The following BARX2 variants were observed in gnomAD, a reference collection of about 807,000 sequenced individuals.
BARX2 encodes the protein BARX homeobox 2, also known as homeobox protein BarH-like 2.
Under a neutral mutation model 25.5 loss-of-function variants are expected in BARX2, and 11 were observed. The observed-to-expected ratio is 0.43, with a 90% CI of 0.27 to 0.71. The LOEUF is 0.71. Among genes scored for constraint, BARX2 ranks in the 30% least tolerant of loss-of-function variants. The probability of loss-of-function intolerance (pLI) is 0.19; values close to 1 mark genes in which losing one functional copy is unlikely to be tolerated. For missense variants in BARX2, 360 were observed against 359.9 expected (o/e 1.00, Z 0.00); for synonymous variants, 137 against 149.5 (o/e 0.92, Z 0.61).
chr11:129,375,933 C>G lies in BARX2; in HGVS notation c.-103C>G. 3 of 671,876 alleles carry G rather than the reference C, an allele frequency of 4.5e-6. No individual in the cohort carries two copies. The highest frequency in any genetic ancestry group is 7.4e-4 in the Middle Eastern group (1 of 1,360). The allele number at this position is 671,876 out of a possible 1,614,324, so 41.6% of individuals were successfully genotyped here. A position where few individuals can be genotyped will look rare whatever the true frequency, so the allele number is the denominator to read the frequency against. On this transcript the variant is annotated 5_prime_UTR_variant, in exon 1 of 4. Transcript: ENST00000281437. The surrounding 1 kb of genome is among the most constrained non-coding windows in gnomAD (Gnocchi z 4.0). ...CGAGCCCCGCCGCCTCCCCAGCTGC[C>G]GGGAGCGGGGCCCAGGCCCCGCCGT...
At chr11:129,431,318 G>A (rs59905529) in intron 1 of BARX2, among the ~76,000 whole-genome samples, 4,861 of 152,234 alleles carry the variant, frequency 0.032, 229 homozygotes, top group African/African-American at 0.1. Flanking sequence ...TATCTGGGGG[G>A]TTTTGCTAGG....
rs961170727 is a variant in BARX2 at position 129,439,859 on chromosome 11, G to A, written c.488+2808G>A. Among the ~76,000 whole-genome samples, 3 of 152,110 alleles carry A rather than the reference G, an allele frequency of 2.0e-5. No individual in the cohort carries two copies. The South Asian group carries it at 6.2e-4, about 32-fold the overall frequency. ...ATGGTAGCACGGTGGTATGTCAGAC[G>A]GGCTTCAGCGTGCATGACTAACATA... On this transcript the variant is annotated intron_variant, in intron 2 of 3. Transcript: ENST00000281437.
chr11:129,428,963 G>A (rs1862098717), intron 1 of BARX2, among the ~76,000 whole-genome samples: 1 of 151,492 alleles, frequency 6.6e-6, no homozygotes, highest in Non-Finnish European at 1.5e-5. Context: ...GGACTTTGGT[G>A]ATTAGGATGT....
In BARX2 at chr11:129,436,901, G is replaced by T. The variant is rs774467685; in HGVS notation, c.338G>T (p.Gly113Val). 6.2e-7 allele frequency: 1 copy of T among 1,613,976 alleles called. No individual in the cohort carries two copies. Among genetic ancestry groups the T allele is most frequent in the Non-Finnish European group, 8.5e-7 (1 of 1,179,948 alleles). ...GCGGTCTCTGCTGAGGCCCCAGGGGGCGAGGCCCTAGCCAGCAGCGAGTCA... is the reference window on the plus strand; with the variant it reads ...GCGGTCTCTGCTGAGGCCCCAGGGGTCGAGGCCCTAGCCAGCAGCGAGTCA... ...TEAVSAEAPG[G>V]EALASSESET... Residue 113 changes from glycine (G) to valine (V), a missense_variant, in exon 2 of 4, where the codon GGC (glycine) becomes GTC (valine). Physicochemically the swap from Gly to Val is moderately radical, Grantham distance 109 (BLOSUM62 -3). Around this residue, in one of 3 missense-constraint regions of BARX2, gnomAD observed 240 missense variants for 228.7 expected, o/e 1.05. Transcript: ENST00000281437. This position sits in a 1 kb window ranked among gnomAD's most constrained non-coding sequence, Gnocchi z 4.5.
upstream of BARX2, among the ~76,000 whole-genome samples, chr11:129,375,590 G>C (rs577643120): frequency 1.8e-4 from 28 of 152,206 alleles, no homozygotes; most frequent in African/African-American, 4.6e-4. The surrounding 1 kb of genome is among the most constrained non-coding windows in gnomAD (Gnocchi z 4.0). Flanking sequence ...CGCGTCCCGG[G>C]GGGGAGGGGG....
Position 129,436,836 on chromosome 11 carries a change from G to A in BARX2, c.273G>A (p.Pro91=), listed in dbSNP as rs146866720. 2.9e-5 allele frequency: 47 copies of A among 1,613,716 alleles called. No homozygotes were observed. The highest frequency in any genetic ancestry group is 5.0e-5 in the Admixed American group (3 of 59,992). The part of the protein sequence containing the change: ...TVISHLVPAT[P]GIAQALSCHQ... Reference sequence around the variant, plus strand: ...TCTCCCACCTGGTCCCTGCCACCCCGGGAATCGCCCAGGCACTGTCCTGCC... The same window carrying A: ...TCTCCCACCTGGTCCCTGCCACCCCAGGAATCGCCCAGGCACTGTCCTGCC... Residue 91 remains proline, a synonymous_variant, in exon 2 of 4, where the codon CCG becomes CCA. Coordinates refer to ENST00000281437, the MANE Select transcript of BARX2 (RefSeq NM_003658.5). This position sits in a 1 kb window ranked among gnomAD's most constrained non-coding sequence, Gnocchi z 4.5.
chr11:129,388,691 G>C lies in BARX2; in HGVS notation c.187+12469G>C, dbSNP rs142350103. ...CATTATATCTGGCTGAGCTGGAGTG[G>C]ATTCTGGGAATCTCTATTTTTAAAA... On this transcript the variant is annotated intron_variant, in intron 1 of 3. Coordinates refer to ENST00000281437, the MANE Select transcript of BARX2 (RefSeq NM_003658.5). Among the ~76,000 whole-genome samples, 174 of 152,316 alleles carry C rather than the reference G, an allele frequency of 1.1e-3. 1 individual carries two copies. The highest frequency in any genetic ancestry group is 1.7e-3 in the Admixed American group (26 of 15,294).
intron 1 of BARX2, among the ~76,000 whole-genome samples, chr11:129,398,765 A>C (rs1861747335): frequency 6.6e-6 from 1 of 152,224 alleles, no homozygotes; most frequent in African/African-American, 2.4e-5. Context: ...GTGTTAGCTC[A>C]CTTTGTGTAG....
chr11:129,397,456 A>G (rs1365916127), intron 1 of BARX2, among the ~76,000 whole-genome samples: 2 of 152,214 alleles, frequency 1.3e-5, no homozygotes, highest in Non-Finnish European at 2.9e-5. Flanking sequence ...CAAGTTTATC[A>G]AATACTTAGT....
chr11:129,379,471 G>A (rs1861538624), intron 1 of BARX2, among the ~76,000 whole-genome samples: 1 of 152,108 alleles, frequency 6.6e-6, no homozygotes, highest in Admixed American at 6.5e-5. Flanking sequence ...AAAGAGAGGT[G>A]CATTTTAGGA....
rs987116709 is a variant in BARX2 at position 129,436,377 on chromosome 11, A to G, written c.188-374A>G. 8.9e-6 allele frequency: 2 copies of G among 224,622 alleles called. No homozygotes were observed. The highest frequency in any genetic ancestry group is 1.8e-4 in the South Asian group (1 of 5,496). The allele number at this position is 224,622 out of a possible 1,614,324, so 13.9% of individuals were successfully genotyped here. On this transcript the variant is annotated intron_variant, in intron 1 of 3. Transcript: ENST00000281437. This position sits in a 1 kb window ranked among gnomAD's most constrained non-coding sequence, Gnocchi z 4.5. Reference sequence around the variant, plus strand: ...GTTCTCAGGAAGTTTGCATATTACAAATCTATTTCGGGTTTCTGAAATATG... The same window carrying G: ...GTTCTCAGGAAGTTTGCATATTACAGATCTATTTCGGGTTTCTGAAATATG...
intron 1 of BARX2, among the ~76,000 whole-genome samples, chr11:129,396,016 G>A (rs764050003): frequency 1.2e-4 from 18 of 152,176 alleles, no homozygotes; most frequent in Non-Finnish European, 1.6e-4. Context: ...CAATCTGCAA[G>A]AAGCTAGGGG....
At chr11:129,402,431 C>T (rs1861786738) in intron 1 of BARX2, among the ~76,000 whole-genome samples, 1 of 152,064 alleles carries the variant, frequency 6.6e-6, no homozygotes, top group East Asian at 1.9e-4. Context: ...TGATAAGCAT[C>T]CAACAGCTGT....
At chr11:129,423,890 C>T (rs941692005) in intron 1 of BARX2, among the ~76,000 whole-genome samples, 2 of 149,326 alleles carry the variant, frequency 1.3e-5, no homozygotes, top group East Asian at 2.0e-4. Context: ...GATGGAGTCT[C>T]ACTCTATTGC....
chr11:129,431,350 A>G (rs1862127251), intron 1 of BARX2, among the ~76,000 whole-genome samples: 1 of 152,198 alleles, frequency 6.6e-6, no homozygotes, highest in Non-Finnish European at 1.5e-5. Flanking sequence ...GCGTTTGTTT[A>G]ACTTTATAAG....
chr11:129,429,187 A>G lies in BARX2; in HGVS notation c.188-7564A>G, dbSNP rs576053051. On this transcript the variant is annotated intron_variant, in intron 1 of 3. Coordinates refer to ENST00000281437, the MANE Select transcript of BARX2 (RefSeq NM_003658.5). ...CTATAAGGTTAGTGTAACTCTAATC[A>G]AGTTTTTAATGGGACTTGCTTTCTT... Among the ~76,000 whole-genome samples the G allele has an allele frequency of 3.3e-5, 5 of 152,300 alleles. No individual in the cohort carries two copies. The South Asian group carries it at 1.0e-3, about 32-fold the overall frequency.
chr11:129,377,973 A>C, intron 1 of BARX2, among the ~76,000 whole-genome samples: 1 of 152,224 alleles, frequency 6.6e-6, no homozygotes, highest in East Asian at 1.9e-4. Flanking sequence ...TGGCTGAGTA[A>C]GTGTCGTGTT....
chr11:129,419,699 T>G (rs1861982364), intron 1 of BARX2, among the ~76,000 whole-genome samples: 2 of 152,036 alleles, frequency 1.3e-5, no homozygotes. Context: ...CTGATTTAGG[T>G]CTTGTGGAGC....
At chr11:129,377,186 T>TA (rs543935070) in intron 1 of BARX2, among the ~76,000 whole-genome samples, 58 of 152,312 alleles carry the variant, frequency 3.8e-4, no homozygotes, top group Admixed American at 2.0e-3. Context: ...TTGAGATTGT[T>TA]AGTTGCATGA....
Sources: allele counts gnomAD v4.1 joint callset (sites outside exome capture counted in the v4.1 genomes callset), GRCh38; gene constraint gnomAD v4.1.1; regional missense constraint gnomAD v4.1.1; non-coding constraint Gnocchi (gnomAD v3.1); transcripts MANE v1.5; gene names NCBI Gene and HGNC (gene_info 2026-07-23, HGNC 2026-07-21).